Variants in CLIC5 observed in about 807,000 individuals in gnomAD.
The protein encoded by CLIC5 is CLIC family member 5.
Under a neutral mutation model 24.7 loss-of-function variants are expected in CLIC5, and 20 were observed. That is an observed-to-expected ratio of 0.81 (90% CI 0.57 to 1.18). The LOEUF (loss-of-function observed/expected upper bound fraction) is 1.18, where lower values mean the gene tolerates loss of function less well. CLIC5 is among the 50% of genes most tolerant of loss of function. CLIC5 has a pLI of 0.00. For missense variants in CLIC5, 341 were observed against 326.1 expected, an observed-to-expected ratio of 1.05 and a Z score of -0.35; for synonymous variants, 159 against 135.6, an observed-to-expected ratio of 1.17 and a Z score of -1.20.
the CLIC5 span, chr6:46,097,449 GT>G: frequency 6.6e-6 from 1 of 152,268 alleles, no homozygotes; most frequent in African/African-American, 2.4e-5. Flanking sequence ...TGGAGAGGCA[GT>G]GGCAGATCTC....
chr6:46,055,213 A>G lies in CLIC5; in HGVS notation c.540+24490T>C, dbSNP rs181610376. Among the ~76,000 whole-genome samples the G allele has an allele frequency of 7.0e-4, 107 of 152,092 alleles. No individual in the cohort carries two copies. The Middle Eastern group carries it at 0.01, about 15-fold the overall frequency. On this transcript the variant is annotated intron_variant, in intron 1 of 5. Transcript: ENST00000185206. ...CGCCTTCCAGGTTCAAGTAATTCTCACACCTCAGCCTCCTGAGTAGCTGGA... is the reference window on the plus strand; with the variant it reads ...CGCCTTCCAGGTTCAAGTAATTCTCGCACCTCAGCCTCCTGAGTAGCTGGA...
intron 1 of CLIC5, among the ~76,000 whole-genome samples, chr6:45,961,202 C>T (rs748547936): frequency 2.0e-5 from 3 of 152,210 alleles, no homozygotes; most frequent in East Asian, 1.9e-4. Context: ...TCACCACTTA[C>T]GTCACATTTC....
chr6:46,067,890 G>C (rs1400477684), intron 1 of CLIC5, among the ~76,000 whole-genome samples: 1 of 152,134 alleles, frequency 6.6e-6, no homozygotes, highest in Admixed American at 6.6e-5. Context: ...ACAGTAGTGG[G>C]TTGAAGAGTG....
upstream of CLIC5, among the ~76,000 whole-genome samples, chr6:46,084,599 G>A (rs1414650884): frequency 5.3e-5 from 8 of 152,186 alleles, no homozygotes; most frequent in African/African-American, 1.9e-4. Context: ...TTGAATATTG[G>A]CCCCCACTCT....
At chr6:46,098,314 G>T in the CLIC5 span, among the ~76,000 whole-genome samples, 1 of 152,132 alleles carries the variant, frequency 6.6e-6, no homozygotes, top group Non-Finnish European at 1.5e-5. Flanking sequence ...ATCAGTTTTG[G>T]ATTTCCAGTA....
At chr6:46,041,066 C>T (rs540381717) in intron 1 of CLIC5, among the ~76,000 whole-genome samples, 5 of 152,138 alleles carry the variant, frequency 3.3e-5, no homozygotes, top group African/African-American at 9.6e-5. Flanking sequence ...AATTGTGATA[C>T]ATCAAGATGG....
chr6:46,069,114 T>C (rs1762518694), intron 1 of CLIC5, among the ~76,000 whole-genome samples: 1 of 152,016 alleles, frequency 6.6e-6, no homozygotes, highest in African/African-American at 2.4e-5. Context: ...CCCAGAACCA[T>C]GAAGTGTGCA....
At chr6:45,988,457 C>T (rs1323833864) in intron 1 of CLIC5, among the ~76,000 whole-genome samples, 1 of 152,154 alleles carries the variant, frequency 6.6e-6, no homozygotes, top group East Asian at 1.9e-4. Context: ...CTCACAGATA[C>T]ACTCAGGATA....
At chr6:46,050,154 T>C (rs982614658) in intron 1 of CLIC5, among the ~76,000 whole-genome samples, 1 of 152,176 alleles carries the variant, frequency 6.6e-6, no homozygotes, top group African/African-American at 2.4e-5. Context: ...TCCTTCTCCA[T>C]GTTTCTCTGT....
At chr6:45,893,230 G>GTT (rs11414475) in intron 6 of CLIC5, among the ~76,000 whole-genome samples, 15 of 140,584 alleles carry the variant, frequency 1.1e-4, no homozygotes, top group East Asian at 2.0e-4. Context: ...TGCCACCCTG[G>GTT]TTTTTTTTTT....
At chr6:45,951,841 G>C (rs1047497932) in intron 2 of CLIC5, among the ~76,000 whole-genome samples, 1 of 152,050 alleles carries the variant, frequency 6.6e-6, no homozygotes, top group Non-Finnish European at 1.5e-5. Context: ...GTTTGGGAGG[G>C]GAAGAGAAGA....
chr6:45,950,956 G>T (rs980175897), intron 2 of CLIC5, among the ~76,000 whole-genome samples: 1 of 152,074 alleles, frequency 6.6e-6, no homozygotes, highest in African/African-American at 2.4e-5. Flanking sequence ...AAATTATGGG[G>T]TTACTTAAAT....
At chr6:46,060,520 G>C (rs1376153369) in intron 1 of CLIC5, among the ~76,000 whole-genome samples, 1 of 152,134 alleles carries the variant, frequency 6.6e-6, no homozygotes, top group Non-Finnish European at 1.5e-5. Flanking sequence ...CAGCAATCTA[G>C]TGAAAGGTTA....
chr6:46,000,866 A>C (rs1370721009), intron 1 of CLIC5, among the ~76,000 whole-genome samples: 1 of 152,214 alleles, frequency 6.6e-6, no homozygotes, highest in Non-Finnish European at 1.5e-5. Context: ...ATGCAGAGCC[A>C]AACCATATCA....
chr6:46,023,700 G>A (rs1038254479), intron 1 of CLIC5, among the ~76,000 whole-genome samples: 1 of 152,168 alleles, frequency 6.6e-6, no homozygotes, highest in Admixed American at 6.5e-5. Flanking sequence ...CAGAAGAAAA[G>A]TGATCTGAGG....
intron 1 of CLIC5, among the ~76,000 whole-genome samples, chr6:46,063,829 T>C (rs1484134598): frequency 6.6e-6 from 1 of 152,204 alleles, no homozygotes; most frequent in African/African-American, 2.4e-5. Context: ...ACTAGGGCGT[T>C]TCTGGACCCA....
chr6:45,944,728 A>C (rs1057510690), intron 3 of CLIC5, among the ~76,000 whole-genome samples: 1 of 152,118 alleles, frequency 6.6e-6, no homozygotes. Context: ...AATTAAACCA[A>C]TGTGCATGAA....
chr6:46,052,757 A>G (rs995805125), intron 1 of CLIC5, among the ~76,000 whole-genome samples: 9 of 151,728 alleles, frequency 5.9e-5, no homozygotes, highest in African/African-American at 2.2e-4. Flanking sequence ...TGTGGCCTCT[A>G]CATGGAAAGT....
the CLIC5 span, among the ~76,000 whole-genome samples, chr6:46,114,054 G>A: frequency 6.6e-6 from 1 of 152,292 alleles, no homozygotes; most frequent in African/African-American, 2.4e-5. Context: ...AAATGGAGAG[G>A]AGAGAGTTTA....
Sources: gnomAD v4.1 joint callset for allele counts (sites outside exome capture counted in the v4.1 genomes callset) on GRCh38, gnomAD v4.1.1 for gene constraint, MANE v1.5 for transcripts, NCBI Gene and HGNC (gene_info 2026-07-23, HGNC 2026-07-21) for gene names.